Variants in UBE3B observed in about 807,000 individuals in gnomAD.
The protein encoded by UBE3B is ubiquitin-protein ligase E3B.
In UBE3B, 80 loss-of-function variants were observed where a neutral mutation model predicts 132.3. The ratio of observed to expected loss-of-function variants is 0.60; its 90% CI spans 0.50 to 0.73. The LOEUF is 0.73. Among genes scored for constraint, UBE3B ranks in the 30% least tolerant of loss-of-function variants. The pLI is 0.00. For synonymous variants in UBE3B, 487 were observed against 520.4 expected (o/e 0.94, Z 0.87); for missense variants, 1,196 against 1,362.5 (o/e 0.88, Z 1.92).
At chr12:109,504,874 G>T (rs533226424) in intron 14 of UBE3B, among the ~76,000 whole-genome samples, 3 of 151,196 alleles carry the variant, frequency 2.0e-5, no homozygotes, top group African/African-American at 7.3e-5. Flanking sequence ...GCGCAATCTC[G>T]GCTCAACTGC....
intron 9 of UBE3B, 42 bp downstream of exon 9, chr12:109,491,169 A>G: frequency 6.3e-7 from 1 of 1,586,912 alleles, no homozygotes; most frequent in East Asian, 2.2e-5. Context: ...ATGTTCTTGA[A>G]TGCTTCCTCC....
Position 109,493,324 on chromosome 12 carries a change from G to T in UBE3B, c.713+2197G>T, listed in dbSNP as rs146581108. 4.3e-4 allele frequency among the ~76,000 whole-genome samples: 65 copies of T among 152,266 alleles called. No homozygotes were observed. In the East Asian group the frequency reaches 8.5e-3, roughly 20 times the overall value. On this transcript the variant is annotated intron_variant, in intron 9 of 27. Transcript: ENST00000342494. ...GCCTGAACTTTCAAGCTCAGGAGCA[G>T]CTCTGCCTCCCCCTCCACCTCCAGA...
intron 15 of UBE3B, chr12:109,508,573 T>C: frequency 2.0e-6 from 2 of 985,548 alleles, no homozygotes; most frequent in Non-Finnish European, 2.4e-6. Flanking sequence ...CAGGCAGTTA[T>C]GTTCAGGCTG....
At chr12:109,500,735 A>C (rs1878875920) in intron 12 of UBE3B, among the ~76,000 whole-genome samples, 1 of 152,100 alleles carries the variant, frequency 6.6e-6, no homozygotes, top group Non-Finnish European at 1.5e-5. Context: ...CTCATCTGAA[A>C]CCTGGGGATA....
chr12:109,521,643 T>G lies in UBE3B; in HGVS notation c.2364+92T>G. On this transcript the variant is annotated intron_variant, in intron 21 of 27. Transcript: ENST00000342494. This position sits in a 1 kb window ranked among gnomAD's most constrained non-coding sequence, Gnocchi z 4.2. ...ACACATATGTGATCAGGCTTGGCCA[T>G]GTAAACTGTCACTAGGATACAAGCG... 1 of 1,205,134 alleles carries G rather than the reference T, an allele frequency of 8.3e-7. No homozygotes were observed. The highest frequency in any genetic ancestry group is 2.4e-5 in the East Asian group (1 of 41,322). 74.7% of individuals were successfully genotyped at this position (1,205,134 alleles called of 1,614,324 possible).
intron 24 of UBE3B, among the ~76,000 whole-genome samples, chr12:109,527,460 C>A (rs1375043678): frequency 6.6e-6 from 1 of 152,164 alleles, no homozygotes; most frequent in African/African-American, 2.4e-5. Context: ...GGGCTCAGTC[C>A]CACCTGGTGA....
intron 26 of UBE3B, 141 bp from the exon 27 acceptor site, chr12:109,533,325 C>T: frequency 1.3e-6 from 1 of 788,182 alleles, no homozygotes; most frequent in Non-Finnish European, 2.1e-6. Flanking sequence ...GCCAGATCCA[C>T]CCCGCCACTC....
intron 18 of UBE3B, among the ~76,000 whole-genome samples, chr12:109,514,269 G>T (rs1880727706): frequency 6.6e-6 from 1 of 152,164 alleles, no homozygotes; most frequent in African/African-American, 2.4e-5. Flanking sequence ...CTGTGTCTGG[G>T]CTTTGGATTT....
At chr12:109,479,572 T>A (rs1364537580) in intron 1 of UBE3B, among the ~76,000 whole-genome samples, 1 of 152,226 alleles carries the variant, frequency 6.6e-6, no homozygotes, top group Non-Finnish European at 1.5e-5. Flanking sequence ...TCTTTGGTTC[T>A]CCATGGCATT....
Position 109,523,979 on chromosome 12 carries a change from G to A in UBE3B, c.2366G>A (p.Gly789Glu). 1 of 1,613,902 alleles carries A rather than the reference G, an allele frequency of 6.2e-7. No individual in the cohort carries two copies. ...AGCTCTGCTTCTCTGCTCTCCCAGG[G>A]AATTGTGGTGGACGTGCCATTTGCA... ...GKMLGKAVYE[G>E]IVVDVPFASF... is the part of the protein sequence containing the mutation. The change falls in exon 22 of 28, where the codon GGA becomes GAA. Residue 789 changes from glycine to glutamate, a missense_variant and splice_region_variant. By Grantham distance (98) the Gly-to-Glu change is moderately conservative. Coordinates refer to ENST00000342494, the MANE Select transcript of UBE3B (RefSeq NM_130466.4).
chr12:109,483,683 C>G lies in UBE3B; in HGVS notation c.132C>G (p.Leu44=), dbSNP rs376752676. The G allele has an allele frequency of 6.2e-7, 1 of 1,609,658 alleles. No homozygotes were observed. Among genetic ancestry groups the G allele is most frequent in the South Asian group, 1.1e-5 (1 of 90,282 alleles). The change falls in exon 3 of 28, where the codon CTC becomes CTG. Residue 44 remains leucine (L), a synonymous_variant. Transcript: ENST00000342494. ...VVIQAHVRSF[L]CRSRLQRDIR... The stretch of plus-strand genomic sequence containing the variant: ...TCCAGGCCCATGTCCGGAGTTTTCT[C>G]TGTCGGAGTCGACTGCAGAGAGATA...
At chr12:109,540,929 C>T (rs1316616222), downstream of UBE3B, among the ~76,000 whole-genome samples, 13 of 152,250 alleles carry the variant, frequency 8.5e-5, no homozygotes, top group Admixed American at 7.2e-4. Context: ...CTGGGACCCA[C>T]GCAAGAAGTG....
In UBE3B at chr12:109,534,949, G is replaced by A. The variant is rs938205804; in HGVS notation, c.*167G>A. On this transcript the variant is annotated 3_prime_UTR_variant, in exon 28 of 28. Coordinates refer to ENST00000342494, the MANE Select transcript of UBE3B (RefSeq NM_130466.4). This position sits in a 1 kb window ranked among gnomAD's most constrained non-coding sequence, Gnocchi z 5.2. ...GGCCTCAAGAAATTTAGACGCCCAC[G>A]ACAGCACTACACAGCATCTCCAGGT... 8 of 493,718 alleles carry A rather than the reference G, an allele frequency of 1.6e-5. No individual in the cohort carries two copies. Among genetic ancestry groups the A allele is most frequent in the South Asian group, 1.3e-4 (3 of 22,402 alleles). The allele number at this position is 493,718 out of a possible 1,614,324, so 30.6% of individuals were successfully genotyped here.
Position 109,499,633 on chromosome 12 carries a change from G to A in UBE3B, c.941G>A (p.Gly314Asp). ...LEGCHTLCLM[G>D]NLLHLGSLSP... Reference sequence around the variant, plus strand: ...CACACTCAGCCTTCTCTCTCTGTAGGCAACCTCCTACACTTGGGCTCCCTC... The same window carrying A: ...CACACTCAGCCTTCTCTCTCTGTAGACAACCTCCTACACTTGGGCTCCCTC... Residue 314 changes from glycine to aspartate, a missense_variant and splice_region_variant, in exon 12 of 28, where the codon GGC (glycine) becomes GAC (aspartate). Physicochemically the swap from Gly to Asp is moderately conservative, Grantham distance 94. Coordinates refer to ENST00000342494, the MANE Select transcript of UBE3B (RefSeq NM_130466.4). 2 of 1,585,834 alleles carry A rather than the reference G, an allele frequency of 1.3e-6. No homozygotes were observed. The highest frequency in any genetic ancestry group is 1.4e-5 in the African/African-American group (1 of 72,958).
chr12:109,530,666 A>T lies in UBE3B; in HGVS notation c.2922+8A>T, dbSNP rs1440084907. On this transcript the variant is annotated splice_region_variant and intron_variant, in intron 26 of 27. Transcript: ENST00000342494. ...AGAGCTATGTTTCTGAAGGTATTTT[A>T]TTTATTACCTATGCATGCATGCATG... The T allele has an allele frequency of 1.2e-6, 2 of 1,612,590 alleles. No homozygotes were observed. Among genetic ancestry groups the T allele is most frequent in the African/African-American group, 2.7e-5 (2 of 74,996 alleles).
intron 17 of UBE3B, among the ~76,000 whole-genome samples, chr12:109,510,758 A>C (rs1880275959): frequency 6.6e-6 from 1 of 152,262 alleles, no homozygotes; most frequent in South Asian, 2.1e-4. Flanking sequence ...GCAACAGAGC[A>C]TGAGAGTTAA....
chr12:109,517,955 C>T (rs1420045087), intron 19 of UBE3B: 17 of 447,082 alleles, frequency 3.8e-5, no homozygotes, highest in Non-Finnish European at 6.3e-5. Context: ...TGATCAATGC[C>T]GAGAGCTGCT....
chr12:109,486,433 A>T, intron 5 of UBE3B, 38 bp from the exon 6 acceptor site: 2 of 1,515,340 alleles, frequency 1.3e-6, no homozygotes, highest in South Asian at 2.3e-5. Flanking sequence ...TATGATCTCT[A>T]TAACAGCCCA....
intron 7 of UBE3B, among the ~76,000 whole-genome samples, chr12:109,489,577 G>A (rs1265768195): frequency 6.6e-6 from 1 of 152,220 alleles, no homozygotes; most frequent in African/African-American, 2.4e-5. Flanking sequence ...GTCCCATTGA[G>A]GAGAGTAGGC....
Sources: gnomAD v4.1 joint callset for allele counts (sites outside exome capture counted in the v4.1 genomes callset) on GRCh38, gnomAD v4.1.1 for gene constraint, Gnocchi (gnomAD v3.1) non-coding constraint, MANE v1.5 for transcripts, NCBI Gene and HGNC (gene_info 2026-07-23, HGNC 2026-07-21) for gene names.